The following NRG2 variants were observed in gnomAD, a reference collection of about 807,000 sequenced individuals.
NRG2 encodes neuregulin 2.
NRG2 carries 27 observed loss-of-function variants against 73.9 expected under a neutral mutation model. That is an observed-to-expected ratio of 0.37 (90% CI 0.27 to 0.50). The LOEUF (loss-of-function observed/expected upper bound fraction) is 0.50. Among genes scored for constraint, NRG2 ranks in the 20% least tolerant of loss-of-function variants. The pLI is 0.96. For synonymous variants in NRG2, 532 were observed against 541.0 expected (o/e 0.98, Z 0.23); for missense variants, 1,126 against 1,210.1 (o/e 0.93, Z 1.03).
At chr5:139,932,897 A>T (rs1434212147) in intron 1 of NRG2, among the ~76,000 whole-genome samples, 1 of 152,136 alleles carries the variant, frequency 6.6e-6, no homozygotes, top group East Asian at 1.9e-4. Context: ...TTATTTAAAA[A>T]TTTTAAAAAA....
chr5:140,042,850 G>C lies in NRG2; in HGVS notation c.220C>G (p.Arg74Gly). ...GCGGCTCTCCGGGCTGCGGGGCTGCGGGGCTGCGGCTGTTGCTGCGGCCGC... is the reference window on the plus strand; with the variant it reads ...GCGGCTCTCCGGGCTGCGGGGCTGCCGGGCTGCGGCTGTTGCTGCGGCCGC... Reference protein sequence around the residue: ...EPRPQQQPQPRSPAARRAAAR... With the variant: ...EPRPQQQPQPGSPAARRAAAR... Residue 74 changes from arginine to glycine, a missense_variant, in exon 1 of 10, where the codon CGC (arginine) becomes GGC (glycine). Physicochemically the swap from Arg to Gly is moderately radical, Grantham distance 125 (BLOSUM62 -2). Transcript: ENST00000361474. 1 of 1,496,144 alleles carries C rather than the reference G, an allele frequency of 6.7e-7. No homozygotes were observed. Among genetic ancestry groups the C allele is most frequent in the Non-Finnish European group, 8.9e-7 (1 of 1,126,384 alleles). 92.7% of individuals were successfully genotyped at this position (1,496,144 alleles called of 1,614,324 possible). A position where few individuals can be genotyped will look rare whatever the true frequency, so the allele number is the denominator to read the frequency against.
At chr5:139,921,814 C>G (rs1316720173) in intron 1 of NRG2, among the ~76,000 whole-genome samples, 1 of 152,150 alleles carries the variant, frequency 6.6e-6, no homozygotes, top group African/African-American at 2.4e-5. Flanking sequence ...ATAATTCCAG[C>G]ACTTTGACAG....
chr5:139,953,770 G>C (rs1273344034), intron 1 of NRG2, among the ~76,000 whole-genome samples: 1 of 152,204 alleles, frequency 6.6e-6, no homozygotes, highest in Non-Finnish European at 1.5e-5. Context: ...GAGAAGGAAA[G>C]ACAGAGTAAG....
intron 1 of NRG2, among the ~76,000 whole-genome samples, chr5:139,986,310 CT>C (rs1757169554): frequency 6.6e-6 from 1 of 152,010 alleles, no homozygotes; most frequent in East Asian, 1.9e-4. Flanking sequence ...CTGGGATATC[CT>C]CCCACACCCC....
rs112724680 is a variant in NRG2, at chr5:139,916,190, C to T, written c.701-28679G>A. Among the ~76,000 whole-genome samples, 892 of 152,216 alleles carry T rather than the reference C, an allele frequency of 5.9e-3. 8 individuals are homozygous for T. The highest frequency in any genetic ancestry group is 0.02 in the African/African-American group (811 of 41,514). ...GCTACAAATGCAAGTACCGATCCCA[C>T]GAAAAACATTCTGAATTACAGTCTC... On this transcript the variant is annotated intron_variant, in intron 1 of 9. Transcript: ENST00000361474.
chr5:139,956,616 A>G (rs1173947770), intron 1 of NRG2, among the ~76,000 whole-genome samples: 1 of 152,092 alleles, frequency 6.6e-6, no homozygotes, highest in African/African-American at 2.4e-5. Context: ...CAGAACTGGG[A>G]CCCAGGGATG....
At chr5:139,927,035 C>T (rs1752109232) in intron 1 of NRG2, among the ~76,000 whole-genome samples, 1 of 152,244 alleles carries the variant, frequency 6.6e-6, no homozygotes, top group African/African-American at 2.4e-5. Context: ...GAAAGGCTGC[C>T]TGGCTCCTAC....
intron 5 of NRG2, chr5:139,859,823 A>T: frequency 1.3e-6 from 2 of 1,528,298 alleles, no homozygotes; most frequent in Non-Finnish European, 1.8e-6. Flanking sequence ...TTCAGCACAC[A>T]TGGCATCGGA....
At chr5:140,028,857 A>C (rs981762985) in intron 1 of NRG2, among the ~76,000 whole-genome samples, 2 of 152,082 alleles carry the variant, frequency 1.3e-5, no homozygotes, top group African/African-American at 4.8e-5. Context: ...CTAGACCCTA[A>C]GAGACAATAG....
rs538000210 is a variant in NRG2 at position 139,961,535 on chromosome 5, C to T, written c.701-74024G>A. On this transcript the variant is annotated intron_variant, in intron 1 of 9. Transcript: ENST00000361474. Reference sequence around the variant, plus strand: ...GGCCCTCCCTCTCCCACCATCCCAGCGACAGCAACCCCGTAGGGGCTGATC... The same window carrying T: ...GGCCCTCCCTCTCCCACCATCCCAGTGACAGCAACCCCGTAGGGGCTGATC... Among the ~76,000 whole-genome samples the T allele has an allele frequency of 1.8e-3, 268 of 152,314 alleles. 1 individual carries two copies. The highest frequency in any genetic ancestry group is 3.4e-3 in the Middle Eastern group (1 of 294).
At chr5:140,001,065 C>A (rs1041453814) in intron 1 of NRG2, among the ~76,000 whole-genome samples, 1 of 152,178 alleles carries the variant, frequency 6.6e-6, no homozygotes, top group Non-Finnish European at 1.5e-5. Context: ...ATTTTCCAGA[C>A]CCAGTTCAGA....
intron 1 of NRG2, among the ~76,000 whole-genome samples, chr5:139,975,323 C>T (rs1208463806): frequency 6.6e-6 from 1 of 152,212 alleles, no homozygotes; most frequent in African/African-American, 2.4e-5. Flanking sequence ...GTTCTGCATG[C>T]CCCAGGGCCT....
At chr5:139,998,381 GA>G (rs1758186247) in intron 1 of NRG2, among the ~76,000 whole-genome samples, 2 of 152,292 alleles carry the variant, frequency 1.3e-5, no homozygotes, top group South Asian at 2.1e-4. Context: ...CCAAGGCCAA[GA>G]AAGTCCTGGA....
intron 1 of NRG2, among the ~76,000 whole-genome samples, chr5:139,977,090 A>C (rs1756431842): frequency 6.6e-6 from 1 of 152,212 alleles, no homozygotes; most frequent in Non-Finnish European, 1.5e-5. Context: ...ATCTGAATAA[A>C]GTATAAACTT....
intron 5 of NRG2, among the ~76,000 whole-genome samples, chr5:139,860,992 ATC>A (rs1435850453): frequency 6.6e-6 from 1 of 152,116 alleles, no homozygotes; most frequent in Non-Finnish European, 1.5e-5. Context: ...GAGCCCAGAA[ATC>A]TCAACAGTGT....
At chr5:139,952,609 T>C (rs1452115342) in intron 1 of NRG2, among the ~76,000 whole-genome samples, 2 of 152,182 alleles carry the variant, frequency 1.3e-5, no homozygotes, top group Non-Finnish European at 2.9e-5. Flanking sequence ...GAACCTGATA[T>C]TTACATACCT....
intron 9 of NRG2, among the ~76,000 whole-genome samples, chr5:139,850,491 G>A (rs1380135774): frequency 6.6e-6 from 1 of 152,192 alleles, no homozygotes; most frequent in Non-Finnish European, 1.5e-5. Flanking sequence ...GCAGGAACCT[G>A]GCAGGCCACT....
At chr5:139,937,539 C>T (rs1752937219) in intron 1 of NRG2, among the ~76,000 whole-genome samples, 1 of 152,124 alleles carries the variant, frequency 6.6e-6, no homozygotes, top group South Asian at 2.1e-4. Flanking sequence ...ACATGGTTGT[C>T]TATGCAGAAA....
intron 1 of NRG2, among the ~76,000 whole-genome samples, chr5:139,981,163 G>A (rs550897711): frequency 7.2e-5 from 11 of 152,330 alleles, no homozygotes; most frequent in South Asian, 2.1e-4. Flanking sequence ...TCAGGCAGAC[G>A]AGAGCTGTTG....
Sources: allele counts gnomAD v4.1 joint callset (sites outside exome capture counted in the v4.1 genomes callset), GRCh38; gene constraint gnomAD v4.1.1; transcripts MANE v1.5; gene names NCBI Gene and HGNC (gene_info 2026-07-23, HGNC 2026-07-21).